CCDC171: variants seen among roughly 807,000 people sequenced by gnomAD.
CCDC171 encodes the protein coiled-coil domain-containing protein 171.
In CCDC171, 177 loss-of-function variants were observed where a neutral mutation model predicts 168.2. The observed-to-expected ratio is 1.05, with a 90% CI of 0.93 to 1.19. CCDC171 has a LOEUF of 1.19. Ranked by LOEUF, CCDC171 falls within the 50% of genes most tolerant of loss-of-function variation. The pLI is 0.00. For synonymous variants in CCDC171, 687 were observed against 540.8 expected, an observed-to-expected ratio of 1.27 and a Z score of -3.75; for missense variants, 1,991 against 1,539.0, an observed-to-expected ratio of 1.29 and a Z score of -4.91.
At chr9:15,622,652 T>G (rs1182256262) in intron 6 of CCDC171, among the ~76,000 whole-genome samples, 4 of 152,228 alleles carry the variant, frequency 2.6e-5, no homozygotes, top group Non-Finnish European at 4.4e-5. Context: ...TTCAATAAAA[T>G]TCAACTCCCA....
At chr9:15,927,483 C>G (rs1296002793) in intron 25 of CCDC171, among the ~76,000 whole-genome samples, 1 of 151,678 alleles carries the variant, frequency 6.6e-6, no homozygotes, top group Non-Finnish European at 1.5e-5. Flanking sequence ...AGTTATGATG[C>G]TGCAAACTAC....
intron 23 of CCDC171, among the ~76,000 whole-genome samples, chr9:15,863,336 A>G (rs2061638728): frequency 6.6e-6 from 1 of 152,022 alleles, no homozygotes; most frequent in Admixed American, 6.6e-5. Context: ...GGAGCCTCTC[A>G]GCTACTTTCT....
intron 16 of CCDC171, among the ~76,000 whole-genome samples, chr9:15,742,701 T>TC (rs796710810): frequency 3.9e-5 from 6 of 152,358 alleles, no homozygotes; most frequent in African/African-American, 1.4e-4. Context: ...CCTTTTGTAC[T>TC]CCTCTGGCAA....
chr9:16,100,270 A>G, the CCDC171 span, among the ~76,000 whole-genome samples: 1 of 152,318 alleles, frequency 6.6e-6, no homozygotes, highest in African/African-American at 2.4e-5. Context: ...CTAATAATGC[A>G]TTGACTGGTG....
chr9:15,948,145 G>T (rs1034866074), intron 25 of CCDC171, among the ~76,000 whole-genome samples: 1 of 151,534 alleles, frequency 6.6e-6, no homozygotes, highest in Non-Finnish European at 1.5e-5. Context: ...TCCCTACAAA[G>T]GACATGAACT....
chr9:16,100,658 T>C, the CCDC171 span, among the ~76,000 whole-genome samples: 25,024 of 152,112 alleles, frequency 0.16, 2,188 homozygotes, highest in Non-Finnish European at 0.19. Context: ...CCTGGTAAAA[T>C]GTAACACTGG....
At chr9:15,678,572 A>G (rs1035858357) in intron 9 of CCDC171, among the ~76,000 whole-genome samples, 186 bp from the exon 10 acceptor site, 3 of 152,184 alleles carry the variant, frequency 2.0e-5, no homozygotes, top group Non-Finnish European at 2.9e-5. Flanking sequence ...AGGGAAAGTA[A>G]TATTGCTTTG....
chr9:15,692,860 G>A (rs1346826117), intron 10 of CCDC171, among the ~76,000 whole-genome samples: 2 of 151,246 alleles, frequency 1.3e-5, no homozygotes, highest in African/African-American at 2.4e-5. Context: ...TTCTAGGCCG[G>A]GCATGGTGGC....
intron 7 of CCDC171, among the ~76,000 whole-genome samples, chr9:15,642,982 T>C (rs760386211): frequency 6.6e-6 from 1 of 152,170 alleles, no homozygotes; most frequent in African/African-American, 2.4e-5. Context: ...TAAAGAAGCA[T>C]ATATGCTTTT....
chr9:16,052,670 G>A (rs900542584), intron 1 of CCDC171, among the ~76,000 whole-genome samples: 1 of 152,126 alleles, frequency 6.6e-6, no homozygotes, highest in Admixed American at 6.5e-5. Context: ...GGGGCCTTTT[G>A]TAGAGTCCGC....
At chr9:15,875,699 G>A (rs1289642151) in intron 24 of CCDC171, 5 of 151,796 alleles carry the variant, frequency 3.3e-5, no homozygotes, top group African/African-American at 1.2e-4. Context: ...TGTGTGTGGA[G>A]CAATGTTAAT....
At chr9:16,040,167 C>G (rs1018953278), upstream of CCDC171, among the ~76,000 whole-genome samples, 1 of 152,204 alleles carries the variant, frequency 6.6e-6, no homozygotes, top group Non-Finnish European at 1.5e-5. Context: ...ACAGAGGCCC[C>G]TAGCCAGACG....
At chr9:16,090,692 T>A in the CCDC171 span, among the ~76,000 whole-genome samples, 22 of 152,208 alleles carry the variant, frequency 1.4e-4, no homozygotes, top group Non-Finnish European at 2.5e-4. Flanking sequence ...TTTATTTTTT[T>A]AAAAATTAGT....
intron 21 of CCDC171, among the ~76,000 whole-genome samples, chr9:15,809,832 G>T (rs2135936441): frequency 6.6e-6 from 1 of 152,298 alleles, no homozygotes; most frequent in East Asian, 1.9e-4. Flanking sequence ...ACTGCTGCCT[G>T]GGGCAGCCTG....
At chr9:15,986,770 T>C (rs2860316) in intron 3 of CCDC171, among the ~76,000 whole-genome samples, 56,293 of 151,992 alleles carry the variant, frequency 0.37, 10,683 homozygotes, top group Non-Finnish European at 0.42. Flanking sequence ...ATGTCATTTG[T>C]TTGTTCATAT....
chr9:15,938,146 C>T (rs907926538), intron 25 of CCDC171, among the ~76,000 whole-genome samples: 10 of 151,776 alleles, frequency 6.6e-5, no homozygotes, highest in Non-Finnish European at 1.3e-4. Context: ...AATGTTATTT[C>T]CTCACCTTGC....
the CCDC171 span, among the ~76,000 whole-genome samples, chr9:16,094,797 A>T: frequency 2.6e-5 from 4 of 152,364 alleles, no homozygotes; most frequent in East Asian, 7.7e-4. Context: ...GAAACAGGTT[A>T]TTAGAAAGCA....
the CCDC171 span, among the ~76,000 whole-genome samples, chr9:16,108,784 T>C: frequency 1.3e-5 from 2 of 152,172 alleles, no homozygotes; most frequent in East Asian, 1.9e-4. Flanking sequence ...AAAGTAAGAA[T>C]ATTCACCTTC....
At chr9:15,943,733 T>C (rs1427304626) in intron 25 of CCDC171, among the ~76,000 whole-genome samples, 1 of 151,996 alleles carries the variant, frequency 6.6e-6, no homozygotes, top group Non-Finnish European at 1.5e-5. Flanking sequence ...GGCAAGGTAG[T>C]TGTATCTGCA....
Sources: allele counts gnomAD v4.1 joint callset (sites outside exome capture counted in the v4.1 genomes callset), GRCh38; gene constraint gnomAD v4.1.1; transcripts MANE v1.5; gene names NCBI Gene and HGNC (gene_info 2026-07-23, HGNC 2026-07-21).